The following WASHC2C variants were observed in gnomAD, a reference collection of about 807,000 sequenced individuals.
WASHC2C encodes the protein Vaccinia Penetration Factor.
WASHC2C carries 73 observed loss-of-function variants against 142.2 expected under a neutral mutation model. That is an observed-to-expected ratio of 0.51 (90% CI 0.43 to 0.62). The LOEUF is 0.62. Among genes scored for constraint, WASHC2C ranks in the 20% least tolerant of loss-of-function variants. The pLI is 0.00. For missense variants in WASHC2C, 969 were observed against 1,531.7 expected, an observed-to-expected ratio of 0.63 and a Z score of 6.13; for synonymous variants, 337 against 565.5, an observed-to-expected ratio of 0.60 and a Z score of 5.73.
chr10:45,773,427 G>A (rs1442179694), intron 21 of WASHC2C, 69 bp downstream of exon 21: 14 of 606,502 alleles, frequency 2.3e-5, no homozygotes, highest in African/African-American at 3.7e-5. Flanking sequence ...GTACTTCCCC[G>A]AATCAGCTCT....
intron 3 of WASHC2C, among the ~76,000 whole-genome samples, chr10:45,733,990 G>A (rs1371599613): frequency 1.4e-4 from 21 of 152,164 alleles, no homozygotes; most frequent in African/African-American, 4.3e-4. Flanking sequence ...TTGGGAGGCC[G>A]AGGTGGGCGG....
chr10:45,743,291 C>T lies in WASHC2C; in HGVS notation c.529-99C>T, dbSNP rs1338184317. On this transcript the variant is annotated intron_variant, in intron 5 of 30. Coordinates refer to ENST00000623400, the MANE Select transcript of WASHC2C (RefSeq NM_001330074.2). ...CTTATTCTCCACCTTCGTTATGTAGCTTGTTTGGGATAGTCAGATGGAACA... is the reference window on the plus strand; with the variant it reads ...CTTATTCTCCACCTTCGTTATGTAGTTTGTTTGGGATAGTCAGATGGAACA... The T allele has an allele frequency of 2.6e-5, 41 of 1,560,684 alleles. No homozygotes were observed. In the East Asian group the frequency reaches 8.5e-4, roughly 32 times the overall value.
chr10:45,787,259 A>G lies in WASHC2C; in HGVS notation c.3087+12A>G. On this transcript the variant is annotated intron_variant, in intron 28 of 30. Transcript: ENST00000623400. ...ACAGTGCAAACAAGGTGATGAAACC[A>G]TCTTTGCTTCCTTGCTCTCTTCTTT... The G allele has an allele frequency of 7.6e-7, 1 of 1,307,672 alleles. No homozygotes were observed. Among genetic ancestry groups the G allele is most frequent in the Non-Finnish European group, 1.1e-6 (1 of 931,098 alleles). The allele number at this position is 1,307,672 out of a possible 1,614,324, so 81.0% of individuals were successfully genotyped here.
At chr10:45,768,251 AAAAAG>A (rs1275942698) in intron 19 of WASHC2C, among the ~76,000 whole-genome samples, 2 of 151,068 alleles carry the variant, frequency 1.3e-5, no homozygotes, top group African/African-American at 4.9e-5. Context: ...AAAAAAAAAA[AAAAAG>A]AAAGAGAAGA....
intron 25 of WASHC2C, 43 bp from the exon 26 acceptor site, chr10:45,785,466 C>A (rs781997436): frequency 1.4e-5 from 22 of 1,607,544 alleles, no homozygotes; most frequent in Non-Finnish European, 4.2e-6. Context: ...CTTAAAACTT[C>A]TAAGATATTT....
chr10:45,786,682 A>T lies in WASHC2C; in HGVS notation c.2874+8A>T. The T allele has an allele frequency of 6.2e-7, 1 of 1,611,806 alleles. No individual in the cohort carries two copies. Among genetic ancestry groups the T allele is most frequent in the Non-Finnish European group, 8.5e-7 (1 of 1,179,682 alleles). ...CGGATCGGGAAGATACAAGTAATTA[A>T]AACACTGGAATCTTCATTGCCTGCC... On this transcript the variant is annotated splice_region_variant and intron_variant, in intron 27 of 30. Transcript: ENST00000623400.
intron 5 of WASHC2C, among the ~76,000 whole-genome samples, chr10:45,741,858 A>G (rs1404445291): frequency 2.7e-5 from 4 of 150,830 alleles, no homozygotes; most frequent in Admixed American, 6.6e-5. Flanking sequence ...GAGTGGCGCA[A>G]TCTCGGCTCA....
At chr10:45,760,061 G>C (rs2596982) in intron 17 of WASHC2C, among the ~76,000 whole-genome samples, 82 of 148,750 alleles carry the variant, frequency 5.5e-4, no homozygotes, top group Admixed American at 1.4e-3. Flanking sequence ...CTAGACCGTG[G>C]CTTAATGCTG....
At chr10:45,749,799 C>A (rs2053310671) in intron 8 of WASHC2C, among the ~76,000 whole-genome samples, 1 of 133,988 alleles carries the variant, frequency 7.5e-6, no homozygotes, top group African/African-American at 3.0e-5. Flanking sequence ...GCACTCCAGC[C>A]TGGGCCACAG....
At chr10:45,735,555 A>G (rs1447093546) in intron 3 of WASHC2C, among the ~76,000 whole-genome samples, 1 of 152,042 alleles carries the variant, frequency 6.6e-6, no homozygotes, top group Non-Finnish European at 1.5e-5. Flanking sequence ...TGTCCCCAGC[A>G]GGATTATCTT....
chr10:45,779,169 G>A lies in WASHC2C; in HGVS notation c.2478+34G>A, dbSNP rs782219066. 2.5e-6 allele frequency: 4 copies of A among 1,611,760 alleles called. No individual in the cohort carries two copies. The East Asian group carries it at 8.9e-5, about 36-fold the overall frequency. On this transcript the variant is annotated intron_variant, in intron 23 of 30. Coordinates refer to ENST00000623400, the MANE Select transcript of WASHC2C (RefSeq NM_001330074.2). ...AAAGCAGTAGTGGTTCAAGTCTCTG[G>A]ATGAGATAAAAGACTCTCATCTCAT...
In WASHC2C at chr10:45,792,476, T is replaced by G. The variant is rs2058444431; in HGVS notation, c.*76T>G. 1.3e-6 allele frequency: 2 copies of G among 1,546,048 alleles called. No individual in the cohort carries two copies. The highest frequency in any genetic ancestry group is 1.2e-5 in the South Asian group (1 of 85,894). On this transcript the variant is annotated 3_prime_UTR_variant, in exon 31 of 31. Coordinates refer to ENST00000623400, the MANE Select transcript of WASHC2C (RefSeq NM_001330074.2). ...GATGATATTGTATATGCTCATGGTCTTAACTGGATTACAAAAAGCAAATAC... is the reference window on the plus strand; with the variant it reads ...GATGATATTGTATATGCTCATGGTCGTAACTGGATTACAAAAAGCAAATAC...
At chr10:45,740,980 A>T (rs1400290442) in intron 5 of WASHC2C, among the ~76,000 whole-genome samples, 1 of 149,766 alleles carries the variant, frequency 6.7e-6, no homozygotes, top group Admixed American at 6.7e-5. Flanking sequence ...ACGGAGTTTC[A>T]CTCTGTCCTC....
chr10:45,766,988 C>T (rs1223301434), intron 19 of WASHC2C, among the ~76,000 whole-genome samples: 1 of 152,146 alleles, frequency 6.6e-6, no homozygotes, highest in African/African-American at 2.4e-5. Context: ...CTTATGCGGC[C>T]GGGCGTGGTA....
intron 3 of WASHC2C, among the ~76,000 whole-genome samples, chr10:45,732,941 C>T (rs1274390570): frequency 6.6e-6 from 1 of 152,292 alleles, no homozygotes; most frequent in Non-Finnish European, 1.5e-5. Context: ...GTTTTTCCCT[C>T]TCCCCCTAGA....
At chr10:45,785,293 G>A (rs559550897) in intron 25 of WASHC2C, among the ~76,000 whole-genome samples, 2 of 152,120 alleles carry the variant, frequency 1.3e-5, no homozygotes, top group Non-Finnish European at 2.9e-5. Context: ...GTAGGTTTTT[G>A]TAAGTACTCT....
rs557071945 is a variant in WASHC2C, at chr10:45,769,207, T to A, written c.1870-242T>A. ...ATCTCCGTTCACTGCAAGCTCTGCCTCCTGGGTTCACTCCATTCTCCTGCC... is the reference window on the plus strand; with the variant it reads ...ATCTCCGTTCACTGCAAGCTCTGCCACCTGGGTTCACTCCATTCTCCTGCC... On this transcript the variant is annotated intron_variant, in intron 19 of 30. Transcript: ENST00000623400. 1.8e-3 allele frequency among the ~76,000 whole-genome samples: 275 copies of A among 151,932 alleles called. 2 individuals carry two copies. The highest frequency in any genetic ancestry group is 5.1e-3 in the African/African-American group (210 of 41,454).
chr10:45,768,870 G>A (rs1325208552), intron 19 of WASHC2C, among the ~76,000 whole-genome samples: 3 of 149,594 alleles, frequency 2.0e-5, no homozygotes, highest in Non-Finnish European at 4.5e-5. Context: ...TAGACAAGTC[G>A]CTTGTAATAC....
At position 45,743,399 on chromosome 10, in the gene WASHC2C, A is replaced by G. The variant is rs1436811347; in HGVS notation, c.538A>G (p.Ile180Val). The G allele has an allele frequency of 3.1e-6, 5 of 1,611,836 alleles. No homozygotes were observed. Among genetic ancestry groups the G allele is most frequent in the South Asian group, 1.1e-5 (1 of 90,994 alleles). ...CTTTCATCATGTACAGGATCTATACATTGATCGTCCTTTACCATATCTCAT... is the reference window on the plus strand; with the variant it reads ...CTTTCATCATGTACAGGATCTATACGTTGATCGTCCTTTACCATATCTCAT... ...ELILEPKDLY[I>V]DRPLPYLIGS... Residue 180 changes from isoleucine (I) to valine (V), a missense_variant, in exon 6 of 31, where the codon ATT becomes GTT. Ile to Val is a conservative substitution (Grantham distance 29, BLOSUM62 3). Coordinates refer to ENST00000623400, the MANE Select transcript of WASHC2C (RefSeq NM_001330074.2).
Sources: allele counts gnomAD v4.1 joint callset (sites outside exome capture counted in the v4.1 genomes callset), GRCh38; gene constraint gnomAD v4.1.1; transcripts MANE v1.5; gene names NCBI Gene and HGNC (gene_info 2026-07-23, HGNC 2026-07-21).